The following COL11A1 variants were observed in gnomAD, a reference collection of about 807,000 sequenced individuals.
COL11A1 encodes the protein collagen alpha-1(XI) chain.
A neutral mutation model predicts 265.2 loss-of-function variants in COL11A1; 74 were observed. That is an observed-to-expected ratio of 0.28 (90% CI 0.23 to 0.34). COL11A1 has a LOEUF of 0.34. Among genes scored for constraint, COL11A1 ranks in the 10% least tolerant of loss-of-function variants. COL11A1 has a pLI of 1.00. For missense variants in COL11A1, 2,165 were observed against 2,263.6 expected (o/e 0.96, Z 0.88); for synonymous variants, 816 against 727.6 (o/e 1.12, Z -1.96).
intron 2 of COL11A1, among the ~76,000 whole-genome samples, chr1:103,080,898 C>T (rs10747437): frequency 0.6 from 90,933 of 151,578 alleles, 29,493 homozygotes; most frequent in East Asian, 0.91. Flanking sequence ...GTATATGTCC[C>T]AAGTAAATGA....
At chr1:102,956,550 A>T (rs960708363) in intron 41 of COL11A1, among the ~76,000 whole-genome samples, 7 of 152,074 alleles carry the variant, frequency 4.6e-5, no homozygotes, top group Non-Finnish European at 1.0e-4. Context: ...GTAAGCAAAT[A>T]ACTTTTTATT....
chr1:103,107,480 T>C (rs1674790874), intron 1 of COL11A1, among the ~76,000 whole-genome samples: 3 of 151,764 alleles, frequency 2.0e-5, no homozygotes. Context: ...CCACTTAAAA[T>C]AGATTGACCC....
At chr1:103,017,798 G>A (rs377161827) in intron 11 of COL11A1, 22 bp downstream of exon 11, 2 of 1,590,700 alleles carry the variant, frequency 1.3e-6, no homozygotes, top group Non-Finnish European at 1.7e-6. Flanking sequence ...TTTGTAATGA[G>A]ATATCATGTC....
At chr1:102,937,167 T>C (rs1224338935) in intron 44 of COL11A1, among the ~76,000 whole-genome samples, 1 of 152,148 alleles carries the variant, frequency 6.6e-6, no homozygotes, top group African/African-American at 2.4e-5. Context: ...TCAGCTTTCA[T>C]TCATATGATA....
Position 103,012,366 on chromosome 1 carries a change from C to T in COL11A1, c.1629+47G>A. 1.4e-6 allele frequency: 2 copies of T among 1,478,858 alleles called. 1 individual carries two copies. The highest frequency in any genetic ancestry group is 2.3e-5 in the South Asian group (2 of 87,452). 91.6% of individuals were successfully genotyped at this position (1,478,858 alleles called of 1,614,324 possible). ...CTGGAAGAAGTTGCACAGGGAACTG[C>T]TAATTTGAAAATTTTAACATATATT... On this transcript the variant is annotated intron_variant, in intron 14 of 66. Coordinates refer to ENST00000370096, the MANE Select transcript of COL11A1 (RefSeq NM_001854.4).
At chr1:103,068,709 T>C (rs989058828) in intron 4 of COL11A1, among the ~76,000 whole-genome samples, 5 of 151,296 alleles carry the variant, frequency 3.3e-5, no homozygotes, top group Non-Finnish European at 7.4e-5. Flanking sequence ...AAAAAAACCC[T>C]GAACTAATAA....
chr1:103,003,096 G>T, intron 21 of COL11A1, 119 bp downstream of exon 21: 2 of 994,244 alleles, frequency 2.0e-6, no homozygotes, highest in African/African-American at 1.6e-5. Context: ...AGCAACAATA[G>T]ATCTTCAAAC....
chr1:103,091,935 T>A (rs923185280), intron 1 of COL11A1, among the ~76,000 whole-genome samples: 1 of 152,142 alleles, frequency 6.6e-6, no homozygotes, highest in Non-Finnish European at 1.5e-5. Context: ...AGCCTATTAG[T>A]ACTATCTTTT....
intron 46 of COL11A1, among the ~76,000 whole-genome samples, chr1:102,924,855 G>A (rs568302588): frequency 6.6e-6 from 1 of 152,076 alleles, no homozygotes; most frequent in African/African-American, 2.4e-5. Flanking sequence ...ATATGCATAA[G>A]TTTAACTGTA....
chr1:102,881,248 G>A (rs779916962), intron 65 of COL11A1, among the ~76,000 whole-genome samples: 5 of 151,814 alleles, frequency 3.3e-5, no homozygotes, highest in Admixed American at 6.6e-5. Flanking sequence ...GTAATTGTAT[G>A]GAAATCTTTA....
At position 103,017,130 on chromosome 1, in the gene COL11A1, G is replaced by C. The variant is rs185033236; in HGVS notation, c.1413+690C>G. On this transcript the variant is annotated intron_variant, in intron 11 of 66. Coordinates refer to ENST00000370096, the MANE Select transcript of COL11A1 (RefSeq NM_001854.4). ...TTATGAACTTTATTTTAAATAAAAA[G>C]TTTCATAATGTTTGCATAATACACT... is the stretch of plus-strand genomic sequence containing the variant. 1.2e-4 allele frequency among the ~76,000 whole-genome samples: 18 copies of C among 152,068 alleles called. No individual in the cohort carries two copies. The East Asian group carries it at 3.3e-3, about 28-fold the overall frequency.
chr1:103,003,363 A>T, intron 20 of COL11A1, 95 bp from the exon 21 acceptor site: 3 of 1,300,776 alleles, frequency 2.3e-6, no homozygotes, highest in Non-Finnish European at 3.2e-6. Flanking sequence ...TTATTTTTAG[A>T]ATAAAAATAT....
chr1:103,097,162 T>C (rs998325240), intron 1 of COL11A1, among the ~76,000 whole-genome samples: 4 of 152,008 alleles, frequency 2.6e-5, no homozygotes, highest in African/African-American at 7.2e-5. Context: ...TATCGAAGTA[T>C]GCACTGACCC....
At chr1:103,105,960 T>C (rs1395826427) in intron 1 of COL11A1, among the ~76,000 whole-genome samples, 1 of 152,200 alleles carries the variant, frequency 6.6e-6, no homozygotes, top group African/African-American at 2.4e-5. Context: ...AAACTACCAC[T>C]TAACTTTCAG....
intron 63 of COL11A1, among the ~76,000 whole-genome samples, chr1:102,886,238 T>C (rs1650956418): frequency 6.6e-6 from 1 of 152,160 alleles, no homozygotes; most frequent in Non-Finnish European, 1.5e-5. Context: ...GTTGGTATGA[T>C]GAATTATCCT....
intron 26 of COL11A1, among the ~76,000 whole-genome samples, chr1:102,996,419 G>A (rs566966895): frequency 6.6e-6 from 1 of 151,842 alleles, no homozygotes; most frequent in African/African-American, 2.4e-5. Flanking sequence ...TAACAAGATT[G>A]ATAATTTCAA....
chr1:103,008,142 A>G (rs887837954), intron 15 of COL11A1, among the ~76,000 whole-genome samples: 3 of 152,188 alleles, frequency 2.0e-5, no homozygotes, highest in African/African-American at 7.2e-5. Flanking sequence ...AAAAGTTCAC[A>G]AACTTTGGGA....
chr1:103,003,313 G>A (rs1291348388), intron 20 of COL11A1, 45 bp from the exon 21 acceptor site: 4 of 1,389,420 alleles, frequency 2.9e-6, no homozygotes, highest in Non-Finnish European at 3.0e-6. Context: ...AAAAAAAAAT[G>A]TCCTAATAAC....
At chr1:103,033,989 C>T (rs914229322) in intron 4 of COL11A1, among the ~76,000 whole-genome samples, 1 of 152,054 alleles carries the variant, frequency 6.6e-6, no homozygotes, top group Non-Finnish European at 1.5e-5. Flanking sequence ...TAGATGAAGT[C>T]TTTCCCCCTA....
Sources: gnomAD v4.1 joint callset for allele counts (sites outside exome capture counted in the v4.1 genomes callset) on GRCh38, gnomAD v4.1.1 for gene constraint, MANE v1.5 for transcripts, NCBI Gene and HGNC (gene_info 2026-07-23, HGNC 2026-07-21) for gene names.